ECRG4: variants seen among roughly 807,000 people sequenced by gnomAD.
The protein encoded by ECRG4 is ECRG4 augurin precursor.
ECRG4 carries 18 observed loss-of-function variants against 15.8 expected under a neutral mutation model. The observed-to-expected ratio is 1.14, with a 90% confidence interval of 0.79 to 1.69. The LOEUF (loss-of-function observed/expected upper bound fraction) is 1.69. Ranked by LOEUF, ECRG4 falls within the 40% of genes most tolerant of loss-of-function variation. The pLI is 0.00. For missense variants in ECRG4, 200 were observed against 190.9 expected, an observed-to-expected ratio of 1.05 and a Z score of -0.28; for synonymous variants, 82 against 73.9, an observed-to-expected ratio of 1.11 and a Z score of -0.56.
intron 1 of ECRG4, chr2:106,070,869 CT>C (rs1676348470): frequency 2.1e-6 from 1 of 470,360 alleles, no homozygotes; most frequent in Non-Finnish European, 4.4e-6. Context: ...ATCCTGGGGC[CT>C]GACTCCAGTT....
intron 1 of ECRG4, chr2:106,071,005 G>T (rs372725190): frequency 2.1e-6 from 1 of 471,098 alleles, no homozygotes; most frequent in Non-Finnish European, 4.4e-6. Context: ...GGCCAGACAA[G>T]GTATTTTCTA....
At chr2:106,069,958 C>T (rs537245113) in intron 1 of ECRG4, among the ~76,000 whole-genome samples, 42 of 152,334 alleles carry the variant, frequency 2.8e-4, no homozygotes, top group South Asian at 1.4e-3. Context: ...CACTGCAGCT[C>T]TCCCACAGGC....
upstream of ECRG4, chr2:106,065,616 G>A (rs148306117): frequency 3.9e-6 from 2 of 508,420 alleles, no homozygotes; most frequent in Non-Finnish European, 6.4e-6. Context: ...GCCCTCTGGC[G>A]CGGCGCCCAC....
Position 106,078,031 on chromosome 2 carries a change from C to A in ECRG4, c.*105C>A. ...TCTGATTTGCTCTATTTCAGCAGAT[C>A]TTTTCTACCTACTTTGTGTGATCAA... is the stretch of plus-strand genomic sequence containing the variant. On this transcript the variant is annotated 3_prime_UTR_variant, in exon 4 of 4. Transcript: ENST00000238044. The A allele has an allele frequency of 1.9e-6, 2 of 1,061,370 alleles. No individual in the cohort carries two copies. The highest frequency in any genetic ancestry group is 2.6e-6 in the Non-Finnish European group (2 of 768,150). 65.7% of individuals were successfully genotyped at this position (1,061,370 alleles called of 1,614,324 possible).
At chr2:106,073,632 C>T (rs1300138540) in intron 2 of ECRG4, among the ~76,000 whole-genome samples, 1 of 152,194 alleles carries the variant, frequency 6.6e-6, no homozygotes, top group Non-Finnish European at 1.5e-5. Context: ...TTCATTTCTA[C>T]CCTGAGGACC....
At chr2:106,064,091 G>A (rs1042462291), upstream of ECRG4, among the ~76,000 whole-genome samples, 7 of 152,136 alleles carry the variant, frequency 4.6e-5, no homozygotes, top group African/African-American at 1.7e-4. Flanking sequence ...GTAAATATAT[G>A]CCTGGTTACT....
At chr2:106,073,485 C>T (rs1264082722) in intron 2 of ECRG4, among the ~76,000 whole-genome samples, 1 of 152,146 alleles carries the variant, frequency 6.6e-6, no homozygotes, top group Non-Finnish European at 1.5e-5. Flanking sequence ...TTGGCATATG[C>T]AATGGACATG....
chr2:106,064,227 C>T (rs1308676217), upstream of ECRG4: 1 of 152,232 alleles, frequency 6.6e-6, no homozygotes, highest in African/African-American at 2.4e-5. Context: ...CATGATCTAA[C>T]TCAGACCCAC....
At chr2:106,070,996 G>A (rs564940717) in intron 1 of ECRG4, 22 of 471,140 alleles carry the variant, frequency 4.7e-5, no homozygotes, top group African/African-American at 8.0e-5. Context: ...GTTCTATCAG[G>A]CCAGACAAGG....
chr2:106,065,815 GCTGCTC>G lies in ECRG4; in HGVS notation c.61_66del (p.Leu21_Leu22del). 6.7e-7 allele frequency: 1 copy of G among 1,484,994 alleles called. No individual in the cohort carries two copies. Among genetic ancestry groups the G allele is most frequent in the Admixed American group, 2.4e-5 (1 of 42,400 alleles). The allele number at this position is 1,484,994 out of a possible 1,614,324, so 92.0% of individuals were successfully genotyped here. A position where few individuals can be genotyped will look rare whatever the true frequency, so the allele number is the denominator to read the frequency against. On this transcript the variant is annotated inframe_deletion, in exon 1 of 4. Coordinates refer to ENST00000238044, the MANE Select transcript of ECRG4 (RefSeq NM_032411.3). ...CTGTCCTGGCCCTGACCGGGCTGGC[GCTGCTC>G]CTGCTCCTGTGCTGGGGCCCAGGTG...
At chr2:106,070,827 A>T in intron 1 of ECRG4, 1 of 451,390 alleles carries the variant, frequency 2.2e-6, no homozygotes, top group Non-Finnish European at 4.6e-6. Flanking sequence ...GAGGCTAAGA[A>T]CCCTGCTGAG....
intron 1 of ECRG4, among the ~76,000 whole-genome samples, chr2:106,068,789 T>C (rs1382891021): frequency 6.6e-6 from 1 of 152,260 alleles, no homozygotes; most frequent in Non-Finnish European, 1.5e-5. Flanking sequence ...TCTGTCTCCC[T>C]TGGCAAATAT....
rs1408626614 is a variant in ECRG4 at position 106,073,952 on chromosome 2, T to G, written c.194T>G (p.Leu65Arg). Residue 65 changes from leucine (L) to arginine (R), a missense_variant, in exon 3 of 4, where the codon CTG (leucine) becomes CGG (arginine). Leu to Arg is a moderately radical substitution (Grantham distance 102). Coordinates refer to ENST00000238044, the MANE Select transcript of ECRG4 (RefSeq NM_032411.3). ...ENKAKEFLGS[L>R]KRQKRQLWDR... ...AAAGCCAAAGAATTCCTTGGCAGCC[T>G]GAAGCGCCAGAAGCGGCAGCTGTGG... 6.2e-7 allele frequency: 1 copy of G among 1,614,210 alleles called. No homozygotes were observed. The highest frequency in any genetic ancestry group is 8.5e-7 in the Non-Finnish European group (1 of 1,180,034).
At chr2:106,064,564 G>T (rs1676163394), upstream of ECRG4, among the ~76,000 whole-genome samples, 1 of 152,168 alleles carries the variant, frequency 6.6e-6, no homozygotes, top group South Asian at 2.1e-4. Context: ...TGTAATCCCA[G>T]CTACTCAGGA....
chr2:106,078,000 T>G lies in ECRG4; in HGVS notation c.*74T>G. On this transcript the variant is annotated 3_prime_UTR_variant, in exon 4 of 4. Transcript: ENST00000238044. ...TGTATCTCCTAATGCCTTACACTAC[T>G]TGGTTTCTGATTTGCTCTATTTCAG... The G allele has an allele frequency of 7.1e-7, 1 of 1,411,350 alleles. No homozygotes were observed. The highest frequency in any genetic ancestry group is 9.5e-7 in the Non-Finnish European group (1 of 1,050,262). The allele number at this position is 1,411,350 out of a possible 1,614,324, so 87.4% of individuals were successfully genotyped here.
chr2:106,065,796 T>C lies in ECRG4; in HGVS notation c.32T>C (p.Leu11Pro). 2.7e-6 allele frequency: 4 copies of C among 1,488,926 alleles called. No homozygotes were observed. The highest frequency in any genetic ancestry group is 3.6e-6 in the Non-Finnish European group (4 of 1,125,816). The allele number at this position is 1,488,926 out of a possible 1,614,324, so 92.2% of individuals were successfully genotyped here. A position where few individuals can be genotyped will look rare whatever the true frequency, so the allele number is the denominator to read the frequency against. Residue 11 changes from leucine (L) to proline (P), a missense_variant, in exon 1 of 4, where the codon CTG (leucine) becomes CCG (proline). Coordinates refer to ENST00000238044, the MANE Select transcript of ECRG4 (RefSeq NM_032411.3). ...GCCTCCCCCGCGCGGCCTGCTGTCC[T>C]GGCCCTGACCGGGCTGGCGCTGCTC... MAASPARPAVLALTGLALLLL... is the reference protein window; with the variant it reads MAASPARPAVPALTGLALLLL...
At chr2:106,067,150 G>C (rs932281213) in intron 1 of ECRG4, among the ~76,000 whole-genome samples, 1 of 138,068 alleles carries the variant, frequency 7.2e-6, no homozygotes, top group Admixed American at 8.6e-5. Context: ...AAAAATGCCA[G>C]ACGTGATGGC....
At chr2:106,073,770 G>T (rs1001578431) in intron 2 of ECRG4, 116 bp from the exon 3 acceptor site, 2 of 1,208,304 alleles carry the variant, frequency 1.7e-6, no homozygotes, top group African/African-American at 3.0e-5. Flanking sequence ...ATGAAGTTGA[G>T]AGTCAAAACC....
chr2:106,064,307 T>C (rs1676156692), upstream of ECRG4: 1 of 152,250 alleles, frequency 6.6e-6, no homozygotes, highest in East Asian at 1.9e-4. Flanking sequence ...TTCTTTCTCC[T>C]TCCTGCTGGA....
Sources: allele counts gnomAD v4.1 joint callset (sites outside exome capture counted in the v4.1 genomes callset), GRCh38; gene constraint gnomAD v4.1.1; transcripts MANE v1.5; gene names NCBI Gene and HGNC (gene_info 2026-07-23, HGNC 2026-07-21).